The following OPRK1 variants were observed in gnomAD, a reference collection of about 807,000 sequenced individuals.
OPRK1 encodes kappa-type opioid receptor.
OPRK1 carries 15 observed loss-of-function variants against 24.5 expected under a neutral mutation model. That is an observed-to-expected ratio of 0.61 (90% CI 0.41 to 0.94). OPRK1 has a LOEUF of 0.94. Among genes scored for constraint, OPRK1 ranks in the 40% least tolerant of loss-of-function variants. The pLI, the probability that OPRK1 is intolerant of heterozygous loss-of-function variation, is 0.00. For synonymous variants in OPRK1, 205 were observed against 198.0 expected (o/e 1.04, Z -0.30); for missense variants, 479 against 507.3 (o/e 0.94, Z 0.54).
chr8:53,248,481 A>T (rs895727443), intron 2 of OPRK1, among the ~76,000 whole-genome samples: 14 of 152,184 alleles, frequency 9.2e-5, no homozygotes, highest in Admixed American at 3.3e-4. Context: ...AACAAGGGCT[A>T]TGGGGCCTCC....
chr8:53,227,729 T>C lies in OPRK1; in HGVS notation c.*1568A>G, dbSNP rs1585624758. Reference sequence around the variant, plus strand: ...CTGAAGCCATGTGTAAAACCTTCAATGCAAGGTTTTGTTTCCAAAAGGTGA... The same window carrying C: ...CTGAAGCCATGTGTAAAACCTTCAACGCAAGGTTTTGTTTCCAAAAGGTGA... On this transcript the variant is annotated 3_prime_UTR_variant, in exon 4 of 4. Coordinates refer to ENST00000265572, the MANE Select transcript of OPRK1 (RefSeq NM_000912.5). The C allele has an allele frequency of 6.6e-6, 1 of 152,036 alleles. No individual in the cohort carries two copies. Among genetic ancestry groups the C allele is most frequent in the East Asian group, 1.9e-4 (1 of 5,172 alleles). 9.4% of individuals were successfully genotyped at this position (152,036 alleles called of 1,614,324 possible).
Position 53,251,021 on chromosome 8 carries a change from T to C in OPRK1, c.17A>G (p.Gln6Arg), listed in dbSNP as rs1368538821. Residue 6 changes from glutamine to arginine, a missense_variant, in exon 2 of 4, where the codon CAG becomes CGG. Gln to Arg is a conservative substitution (Grantham distance 43, BLOSUM62 1). Coordinates refer to ENST00000265572, the MANE Select transcript of OPRK1 (RefSeq NM_000912.5). ...AGGGCCCGGCTCCCCGCGGAAGATC[T>C]GGATCGGGGAGTCCATGGTGGGGCG... MDSPI[Q>R]IFRGEPGPTC... The C allele has an allele frequency of 1.9e-5, 29 of 1,562,384 alleles. 1 individual carries two copies. Among genetic ancestry groups the C allele is most frequent in the Non-Finnish European group, 2.4e-5 (28 of 1,158,158 alleles).
chr8:53,240,613 C>T lies in OPRK1; in HGVS notation c.258-5502G>A, dbSNP rs141300762. Among the ~76,000 whole-genome samples, 825 of 152,088 alleles carry T rather than the reference C, an allele frequency of 5.4e-3. 8 individuals are homozygous for T. Among genetic ancestry groups the T allele is most frequent in the African/African-American group, 0.018 (762 of 41,464 alleles). The stretch of plus-strand genomic sequence containing the variant: ...GGAGCTCTTTTCTCTGTATTGCCAA[C>T]AAGCATTTTCCTGGGCGTGTCTTCC... On this transcript the variant is annotated intron_variant, in intron 2 of 3. Transcript: ENST00000265572.
intron 2 of OPRK1, among the ~76,000 whole-genome samples, chr8:53,248,184 C>T (rs1384419896): frequency 6.6e-6 from 1 of 151,968 alleles, no homozygotes; most frequent in Non-Finnish European, 1.5e-5. Flanking sequence ...ATGATGAGAA[C>T]TCTTGAAACT....
rs546459906 is a variant in OPRK1 at position 53,234,182 on chromosome 8, C to CAAAAAAAAAAAAAAAAAAAAAAAAA, written c.610+576_610+577insTTTTTTTTTTTTTTTTTTTTTTTTT. On this transcript the variant is annotated intron_variant, in intron 3 of 3. Coordinates refer to ENST00000265572, the MANE Select transcript of OPRK1 (RefSeq NM_000912.5). Reference sequence around the variant, plus strand: ...CTGGCAACAGAGCAAGACTCTCTCTCAAAAAAAAAAAAAAAAAAAAATCAG... The same window carrying CAAAAAAAAAAAAAAAAAAAAAAAAA: ...CTGGCAACAGAGCAAGACTCTCTCTCAAAAAAAAAAAAAAAAAAAAAAAAAAAAAAAAAAAAAAAAAAAAAATCAG... 2.0e-3 allele frequency among the ~76,000 whole-genome samples: 132 copies of CAAAAAAAAAAAAAAAAAAAAAAAAA among 65,300 alleles called. 4 individuals are homozygous for CAAAAAAAAAAAAAAAAAAAAAAAAA. Among genetic ancestry groups the CAAAAAAAAAAAAAAAAAAAAAAAAA allele is most frequent in the Admixed American group, 2.5e-3 (13 of 5,250 alleles). 42.8% of individuals were successfully genotyped at this position (65,300 alleles called of 152,430 possible).
At chr8:53,245,935 C>A (rs1337779386) in intron 2 of OPRK1, among the ~76,000 whole-genome samples, 1 of 152,184 alleles carries the variant, frequency 6.6e-6, no homozygotes, top group Non-Finnish European at 1.5e-5. Flanking sequence ...AGAGCAGCAG[C>A]TTGTCTCTCC....
intron 2 of OPRK1, among the ~76,000 whole-genome samples, chr8:53,236,631 C>A (rs1807003920): frequency 6.6e-6 from 1 of 152,126 alleles, no homozygotes; most frequent in South Asian, 2.1e-4. Context: ...GTTCTCATAG[C>A]ACAGGCTTTA....
rs551687375 is a variant in OPRK1, at chr8:53,250,583, C to T, written c.257+198G>A. Among the ~76,000 whole-genome samples the T allele has an allele frequency of 3.3e-5, 5 of 152,154 alleles. No individual in the cohort carries two copies. The South Asian group carries it at 1.0e-3, about 32-fold the overall frequency. On this transcript the variant is annotated intron_variant, in intron 2 of 3. Transcript: ENST00000265572. ...GGCCGCTCGGATTCGCCTGTGTGAA[C>T]CTCTCAGCACTCCACCAAAAACTCC...
Position 53,226,392 on chromosome 8 carries a change from T to A in OPRK1, c.*2905A>T, listed in dbSNP as rs1806687874. On this transcript the variant is annotated 3_prime_UTR_variant, in exon 4 of 4. Transcript: ENST00000265572. ...ATGGCTGGTTCATTTCTCTGTGCCT[T>A]CTCTGACCCCTCGTTAGGACCTGTC... The A allele has an allele frequency of 6.6e-6, 1 of 152,252 alleles. No individual in the cohort carries two copies. Among genetic ancestry groups the A allele is most frequent in the Admixed American group, 6.5e-5 (1 of 15,284 alleles). 9.4% of individuals were successfully genotyped at this position (152,252 alleles called of 1,614,324 possible). A position where few individuals can be genotyped will look rare whatever the true frequency, so the allele number is the denominator to read the frequency against.
At position 53,251,095 on chromosome 8, in the gene OPRK1, C is replaced by A. The variant is rs970787242; in HGVS notation, c.-48-10G>T. On this transcript the variant is annotated splice_polypyrimidine_tract_variant and intron_variant, in intron 1 of 3. Transcript: ENST00000265572. Reference sequence around the variant, plus strand: ...GGCGGCACCTGCGGCGCTGCGGGAGCGAAAGAACCGGCTGGACGCGGAGAG... The same window carrying A: ...GGCGGCACCTGCGGCGCTGCGGGAGAGAAAGAACCGGCTGGACGCGGAGAG... 7.0e-7 allele frequency: 1 copy of A among 1,430,332 alleles called. No individual in the cohort carries two copies. The highest frequency in any genetic ancestry group is 2.6e-5 in the East Asian group (1 of 37,936). 88.6% of individuals were successfully genotyped at this position (1,430,332 alleles called of 1,614,324 possible).
At chr8:53,237,469 G>A (rs1381121429) in intron 2 of OPRK1, among the ~76,000 whole-genome samples, 3 of 152,148 alleles carry the variant, frequency 2.0e-5, no homozygotes, top group African/African-American at 7.2e-5. Flanking sequence ...ATGAGTACAG[G>A]CAATAATCAC....
chr8:53,233,935 C>T (rs1245339118), intron 3 of OPRK1, among the ~76,000 whole-genome samples: 3 of 152,084 alleles, frequency 2.0e-5, no homozygotes, highest in African/African-American at 7.2e-5. Flanking sequence ...CAGTGGCTCA[C>T]GCCTGTAATC....
chr8:53,231,891 T>G lies in OPRK1; in HGVS notation c.611-2062A>C, dbSNP rs147343039. Among the ~76,000 whole-genome samples the G allele has an allele frequency of 2.0e-5, 3 of 152,300 alleles. No individual in the cohort carries two copies. In the East Asian group the frequency reaches 5.8e-4, roughly 29 times the overall value. ...TCGGATAGACCTTTAACTCCGAGGC[T>G]CAGCTTCCTCCCAAACAAACTGCCT... On this transcript the variant is annotated intron_variant, in intron 3 of 3. Coordinates refer to ENST00000265572, the MANE Select transcript of OPRK1 (RefSeq NM_000912.5).
At chr8:53,234,553 G>T (rs1806939696) in intron 3 of OPRK1, among the ~76,000 whole-genome samples, 1 of 152,108 alleles carries the variant, frequency 6.6e-6, no homozygotes, top group African/African-American at 2.4e-5. Flanking sequence ...CTCTCTTCTG[G>T]CAATGTCATT....
Position 53,250,971 on chromosome 8 carries a change from G to T in OPRK1, c.67C>A (p.Pro23Thr). ...GPTCAPSACL[P>T]PNSSAWFPGW... ...GGAAACCAGGCGCTGCTGTTGGGGG[G>T]CAGGCAGGCGCTCGGGGCGCAGGTA... The change falls in exon 2 of 4, where the codon CCC becomes ACC. Residue 23 changes from proline (P) to threonine (T), a missense_variant. Pro to Thr is a conservative substitution (Grantham distance 38). Coordinates refer to ENST00000265572, the MANE Select transcript of OPRK1 (RefSeq NM_000912.5). 1 of 1,603,730 alleles carries T rather than the reference G, an allele frequency of 6.2e-7. No homozygotes were observed. Among genetic ancestry groups the T allele is most frequent in the South Asian group, 1.1e-5 (1 of 89,994 alleles).
Position 53,229,666 on chromosome 8 carries a change from G to A in OPRK1, c.774C>T (p.Leu258=), listed in dbSNP as rs1806805090. The change falls in exon 4 of 4, where the codon CTC becomes CTT. Residue 258 remains leucine (L), a synonymous_variant. Coordinates refer to ENST00000265572, the MANE Select transcript of OPRK1 (RefSeq NM_000912.5). ...GATCTTTCTCTCGGGAGCCAGAAAGGAGCCGGACGCTCTTGAGACGCAGGA... is the reference window on the plus strand; with the variant it reads ...GATCTTTCTCTCGGGAGCCAGAAAGAAGCCGGACGCTCTTGAGACGCAGGA... ...LMILRLKSVR[L]LSGSREKDRN... 1.2e-6 allele frequency: 2 copies of A among 1,614,080 alleles called. No individual in the cohort carries two copies. The highest frequency in any genetic ancestry group is 4.5e-5 in the East Asian group (2 of 44,860).
intron 3 of OPRK1, among the ~76,000 whole-genome samples, chr8:53,230,416 CATT>C (rs1806823427): frequency 6.6e-6 from 1 of 152,076 alleles, no homozygotes; most frequent in African/African-American, 2.4e-5. Flanking sequence ...CAATGACACT[CATT>C]GTGATTAAGG....
At chr8:53,232,898 A>C (rs1005727571) in intron 3 of OPRK1, among the ~76,000 whole-genome samples, 1 of 152,242 alleles carries the variant, frequency 6.6e-6, no homozygotes, top group African/African-American at 2.4e-5. Flanking sequence ...ACACACACAT[A>C]TACTACAGTA....
chr8:53,251,414 AC>A (rs1217631640), intron 1 of OPRK1, 33 bp downstream of exon 1: 3 of 262,088 alleles, frequency 1.1e-5, no homozygotes, highest in African/African-American at 2.2e-5. Context: ...ACGGAGCTCT[AC>A]CTAGAACTGC....
Sources: gnomAD v4.1 joint callset for allele counts (sites outside exome capture counted in the v4.1 genomes callset) on GRCh38, gnomAD v4.1.1 for gene constraint, MANE v1.5 for transcripts, NCBI Gene and HGNC (gene_info 2026-07-23, HGNC 2026-07-21) for gene names.